PLEKHG1: variants seen among roughly 807,000 people sequenced by gnomAD.
PLEKHG1 encodes pleckstrin homology and RhoGEF domain containing G1.
Under a neutral mutation model 100.8 loss-of-function variants are expected in PLEKHG1, and 44 were observed. That is an observed-to-expected ratio of 0.44 (90% CI 0.34 to 0.56). The LOEUF (loss-of-function observed/expected upper bound fraction) is 0.56, where lower values mean the gene tolerates loss of function less well. Ranked by LOEUF, PLEKHG1 falls within the 20% of genes least tolerant of loss-of-function variation. The pLI, the probability that PLEKHG1 is intolerant of heterozygous loss-of-function variation, is 0.01. For missense variants in PLEKHG1, 1,545 were observed against 1,720.9 expected, an observed-to-expected ratio of 0.90 and a Z score of 1.81; for synonymous variants, 640 against 662.5, an observed-to-expected ratio of 0.97 and a Z score of 0.52.
At chr6:150,711,604 C>A (rs960288633) in intron 3 of PLEKHG1, among the ~76,000 whole-genome samples, 1 of 152,086 alleles carries the variant, frequency 6.6e-6, no homozygotes, top group Non-Finnish European at 1.5e-5. Context: ...GATTAGAAAG[C>A]CCCAGAGTAT....
At chr6:150,780,649 T>G (rs1785258120) in intron 3 of PLEKHG1, among the ~76,000 whole-genome samples, 1 of 152,232 alleles carries the variant, frequency 6.6e-6, no homozygotes, top group African/African-American at 2.4e-5. Flanking sequence ...TCATTCTCTT[T>G]ATAGCATTCT....
At chr6:150,764,412 C>T (rs1784352035) in intron 2 of PLEKHG1, among the ~76,000 whole-genome samples, 1 of 152,210 alleles carries the variant, frequency 6.6e-6, no homozygotes, top group African/African-American at 2.4e-5. Flanking sequence ...AGCCACTGCA[C>T]CCGGCCCTGT....
chr6:150,722,965 T>G (rs1305305612), intron 1 of PLEKHG1, among the ~76,000 whole-genome samples: 1 of 152,206 alleles, frequency 6.6e-6, no homozygotes, highest in Non-Finnish European at 1.5e-5. Context: ...AAATTACAAA[T>G]AGAGATTTTT....
At chr6:150,839,440 CT>C (rs1777398931) in intron 15 of PLEKHG1, among the ~76,000 whole-genome samples, 1 of 152,142 alleles carries the variant, frequency 6.6e-6, no homozygotes, top group Non-Finnish European at 1.5e-5. Flanking sequence ...TTAAAGACTG[CT>C]TGAATGATTT....
chr6:150,651,485 C>T (rs996000195), intron 3 of PLEKHG1, among the ~76,000 whole-genome samples: 3 of 152,152 alleles, frequency 2.0e-5, no homozygotes, highest in African/African-American at 4.8e-5. Flanking sequence ...CCATCCACCT[C>T]GGCCACCTAA....
At chr6:150,757,353 T>C (rs1783902852) in intron 2 of PLEKHG1, among the ~76,000 whole-genome samples, 1 of 152,228 alleles carries the variant, frequency 6.6e-6, no homozygotes, top group Non-Finnish European at 1.5e-5. Context: ...TCAAAATTTC[T>C]TGTTCACTAG....
At chr6:150,772,673 C>A (rs1303109552) in intron 3 of PLEKHG1, among the ~76,000 whole-genome samples, 10 of 152,230 alleles carry the variant, frequency 6.6e-5, no homozygotes, top group Non-Finnish European at 1.3e-4. Context: ...ATGGTGTCAG[C>A]TTACAGGTTA....
intron 1 of PLEKHG1, among the ~76,000 whole-genome samples, chr6:150,733,140 C>T (rs113388915): frequency 2.6e-4 from 40 of 152,224 alleles, no homozygotes; most frequent in African/African-American, 9.4e-4. Context: ...CACGTCGGGT[C>T]CCTTTTAAGT....
rs188211292 is a variant in PLEKHG1 at position 150,747,884 on chromosome 6, G to A, written c.411+13792G>A. Among the ~76,000 whole-genome samples, 505 of 148,914 alleles carry A rather than the reference G, an allele frequency of 3.4e-3. 1 individual carries two copies. Among genetic ancestry groups the A allele is most frequent in the African/African-American group, 0.011 (457 of 40,442 alleles). On this transcript the variant is annotated intron_variant, in intron 2 of 15. Coordinates refer to ENST00000358517, the Ensembl canonical transcript of PLEKHG1. ...GCACTCCAGCCTAGGCGACAAGAGC[G>A]AAACTCCGTCTCAAAAAAAAAAAAA... is the stretch of plus-strand genomic sequence containing the variant.
At position 150,644,332 on chromosome 6, in the gene PLEKHG1, G is replaced by GGGTTTTTTTTTTTTTTTTTT. The variant is rs1562404967; in HGVS notation, c.-158+6207_-158+6208insGGTTTTTTTTTTTTTTTTTT. Reference sequence around the variant, plus strand: ...AAAAGAGAGTGGTTTTTTTCTTTTCGTGTTTTTTTTTTTTTTTTTTGTTAC... The same window carrying GGGTTTTTTTTTTTTTTTTTT: ...AAAAGAGAGTGGTTTTTTTCTTTTCGGGTTTTTTTTTTTTTTTTTTTGTTTTTTTTTTTTTTTTTTGTTAC... On this transcript the variant is annotated intron_variant, in intron 2 of 3. Transcript: ENST00000367326. Among the ~76,000 whole-genome samples, 102 of 96,532 alleles carry GGGTTTTTTTTTTTTTTTTTT rather than the reference G, an allele frequency of 1.1e-3. 2 individuals carry two copies. Among genetic ancestry groups the GGGTTTTTTTTTTTTTTTTTT allele is most frequent in the African/African-American group, 4.2e-3 (95 of 22,830 alleles). 63.3% of individuals were successfully genotyped at this position (96,532 alleles called of 152,430 possible).
chr6:150,655,925 C>T (rs1778951563), intron 3 of PLEKHG1, among the ~76,000 whole-genome samples: 1 of 151,742 alleles, frequency 6.6e-6, no homozygotes, highest in Admixed American at 6.6e-5. Context: ...GGGAGGGGAA[C>T]ATCACACACC....
At chr6:150,604,734 G>T (rs758793310) in intron 1 of PLEKHG1, among the ~76,000 whole-genome samples, 2 of 152,160 alleles carry the variant, frequency 1.3e-5, no homozygotes, top group Non-Finnish European at 2.9e-5. Flanking sequence ...GTTAAGCATA[G>T]CCATCAGTTG....
At chr6:150,618,697 T>C (rs1777167106) in intron 1 of PLEKHG1, among the ~76,000 whole-genome samples, 1 of 152,244 alleles carries the variant, frequency 6.6e-6, no homozygotes, top group Non-Finnish European at 1.5e-5. Context: ...TATTATTTAC[T>C]CTTTAATAAT....
intron 5 of PLEKHG1, among the ~76,000 whole-genome samples, chr6:150,797,708 C>G (rs1786429896): frequency 1.3e-5 from 2 of 151,124 alleles, no homozygotes; most frequent in African/African-American, 4.9e-5. Flanking sequence ...GGTGGCACAT[C>G]CCTGTAATCC....
chr6:150,752,454 C>G (rs1783574477), intron 2 of PLEKHG1, among the ~76,000 whole-genome samples: 1 of 152,186 alleles, frequency 6.6e-6, no homozygotes, highest in African/African-American at 2.4e-5. Flanking sequence ...CCATTCCCCT[C>G]TCCCCAGCTC....
intron 3 of PLEKHG1, among the ~76,000 whole-genome samples, chr6:150,770,741 C>T (rs768029473): frequency 6.6e-5 from 10 of 152,190 alleles, no homozygotes; most frequent in Non-Finnish European, 1.3e-4. Context: ...ATTGTGCAAT[C>T]GCTGATGATA....
intron 3 of PLEKHG1, chr6:150,662,967 T>C (rs1384384709): frequency 6.6e-6 from 1 of 152,132 alleles, no homozygotes; most frequent in Non-Finnish European, 1.5e-5. Context: ...TTATGAAAAG[T>C]ATGATGATAC....
chr6:150,600,002 A>T lies in PLEKHG1; in HGVS notation c.-219A>T. The T allele has an allele frequency of 4.2e-6, 1 of 240,554 alleles. No homozygotes were observed. Among genetic ancestry groups the T allele is most frequent in the Non-Finnish European group, 8.9e-6 (1 of 112,160 alleles). The allele number at this position is 240,554 out of a possible 1,614,324, so 14.9% of individuals were successfully genotyped here. A position where few individuals can be genotyped will look rare whatever the true frequency, so the allele number is the denominator to read the frequency against. ...CTGCGAGCGCCGCCCGGGCATGCGA[A>T]GCCGTCCCTCCCCGGGTAAGCGCCG... On this transcript the variant is annotated 5_prime_UTR_variant, in exon 1 of 4. In the 5' UTR this introduces an upstream ATG that the reference lacks. Transcript: ENST00000367326. The surrounding 1 kb of genome is among the most constrained non-coding windows in gnomAD (Gnocchi z 6.2).
At chr6:150,651,171 C>A (rs1358149375) in intron 3 of PLEKHG1, 1 of 152,200 alleles carries the variant, frequency 6.6e-6, no homozygotes, top group African/African-American at 2.4e-5. Context: ...TATTTTCAGA[C>A]CACAGTTGAC....
Sources: gnomAD v4.1 joint callset for allele counts (sites outside exome capture counted in the v4.1 genomes callset) on GRCh38, gnomAD v4.1.1 for gene constraint, Gnocchi (gnomAD v3.1) non-coding constraint, MANE v1.5 for transcripts, NCBI Gene and HGNC (gene_info 2026-07-23, HGNC 2026-07-21) for gene names.